The following PLEKHB1 variants were observed in gnomAD, a reference collection of about 807,000 sequenced individuals.
PLEKHB1 encodes pleckstrin homology domain containing B1, also known as pleckstrin homology domain-containing family B member 1.
In PLEKHB1, 29 loss-of-function variants were observed where a neutral mutation model predicts 36.2. The ratio of observed to expected loss-of-function variants is 0.80; its 90% CI spans 0.60 to 1.09. The LOEUF is 1.09. Ranked by LOEUF, PLEKHB1 falls within the 50% of genes least tolerant of loss-of-function variation. The pLI, the probability that PLEKHB1 is intolerant of heterozygous loss-of-function variation, is 0.00. For synonymous variants in PLEKHB1, 138 were observed against 140.0 expected, an observed-to-expected ratio of 0.99 and a Z score of 0.10; for missense variants, 330 against 348.2, an observed-to-expected ratio of 0.95 and a Z score of 0.42.
Position 73,653,107 on chromosome 11 carries a change from C to T in PLEKHB1, c.390+93C>T, listed in dbSNP as rs1395892698. 3.0e-6 allele frequency: 4 copies of T among 1,334,064 alleles called. No homozygotes were observed. In the East Asian group the frequency reaches 9.8e-5, roughly 33 times the overall value. The allele number at this position is 1,334,064 out of a possible 1,614,324, so 82.6% of individuals were successfully genotyped here. A position where few individuals can be genotyped will look rare whatever the true frequency, so the allele number is the denominator to read the frequency against. The stretch of plus-strand genomic sequence containing the variant: ...ACTCGGTCTCCACCTGCCAGAAGTT[C>T]TCAGTCTTATGTGGATAGGTTTCTG... On this transcript the variant is annotated intron_variant, in intron 5 of 7. Transcript: ENST00000354190.
chr11:73,655,262 G>A (rs965105894), intron 5 of PLEKHB1, among the ~76,000 whole-genome samples: 16 of 152,146 alleles, frequency 1.1e-4, no homozygotes, highest in African/African-American at 1.9e-4. Flanking sequence ...TACTAGAGTC[G>A]GGGTGTATTT....
chr11:73,654,944 A>G (rs750979762), intron 5 of PLEKHB1, among the ~76,000 whole-genome samples: 1 of 152,174 alleles, frequency 6.6e-6, no homozygotes, highest in Non-Finnish European at 1.5e-5. Flanking sequence ...CAGGCTTCCA[A>G]GTGGCGGGTG....
rs1386680012 is a variant in PLEKHB1, at chr11:73,651,774, G to A, written c.248-14G>A. ...TGTGCCTGTGGAAACCCATATATGT[G>A]TGTCTGCTTCCAGATGTGCAGCCCC... On this transcript the variant is annotated splice_polypyrimidine_tract_variant and intron_variant, in intron 3 of 7. Transcript: ENST00000354190. 2.5e-6 allele frequency: 4 copies of A among 1,609,434 alleles called. No individual in the cohort carries two copies. The highest frequency in any genetic ancestry group is 2.7e-5 in the African/African-American group (2 of 74,844).
intron 3 of PLEKHB1, chr11:73,651,542 C>T: frequency 3.1e-6 from 2 of 640,670 alleles, no homozygotes; most frequent in Non-Finnish European, 5.8e-6. Context: ...CATTCCTCCA[C>T]CAAGGCCCAG....
intron 4 of PLEKHB1, chr11:73,652,154 T>G: frequency 2.0e-6 from 1 of 504,302 alleles, no homozygotes; most frequent in Non-Finnish European, 3.6e-6. Flanking sequence ...ATCTGGTTCC[T>G]GGTCTTTAGC....
At position 73,651,652 on chromosome 11, in the gene PLEKHB1, T is replaced by A; in HGVS notation, c.248-136T>A. ...ACGTAGAGTGGAATCCCTCAGAGAG[T>A]ATATGGGATCAGAGGAGGTTGGCAG... On this transcript the variant is annotated intron_variant, in intron 3 of 7. Transcript: ENST00000354190. 3 of 693,916 alleles carry A rather than the reference T, an allele frequency of 4.3e-6. No individual in the cohort carries two copies. The South Asian group carries it at 4.9e-5, about 11-fold the overall frequency. 43.0% of individuals were successfully genotyped at this position (693,916 alleles called of 1,614,324 possible).
At chr11:73,660,482 G>A in intron 6 of PLEKHB1, 3 of 497,090 alleles carry the variant, frequency 6.0e-6, no homozygotes. Flanking sequence ...GAAATTGGGA[G>A]CCATAGAGAA....
At chr11:73,654,043 T>C (rs546782719) in intron 5 of PLEKHB1, among the ~76,000 whole-genome samples, 8 of 146,656 alleles carry the variant, frequency 5.5e-5, no homozygotes, top group Middle Eastern at 3.6e-3. Context: ...AAAAAAAAGA[T>C]AGTCTGGCTG....
At position 73,650,602 on chromosome 11, in the gene PLEKHB1, C is replaced by T. The variant is rs751278285; in HGVS notation, c.144C>T (p.Asp48=). 34 of 1,613,098 alleles carry T rather than the reference C, an allele frequency of 2.1e-5. No individual in the cohort carries two copies. In the Admixed American group the frequency reaches 4.2e-4, roughly 20 times the overall value. The change falls in exon 3 of 8, where the codon GAC becomes GAT. Residue 48 remains aspartate, a synonymous_variant. Coordinates refer to ENST00000354190, the MANE Select transcript of PLEKHB1 (RefSeq NM_021200.3). ...WKRNWFALWL[D]GTLGYYHDET... The stretch of plus-strand genomic sequence containing the variant: ...GGAACTGGTTTGCCCTGTGGCTGGA[C>T]GGGACCCTGGGATACTACCACGATG...
Position 73,650,570 on chromosome 11 carries a change from TG to T in PLEKHB1, c.114del (p.Trp38Ter), listed in dbSNP as rs775089754. The T allele has an allele frequency of 6.2e-7, 1 of 1,612,446 alleles. No homozygotes were observed. The highest frequency in any genetic ancestry group is 8.5e-7 in the Non-Finnish European group (1 of 1,179,340). ...TCGTACAGGCTCCATCCTCCGCCGC[TG>T]GAAGCGGAACTGGTTTGCCCTGTGG... ...LWRQSSILRR[W>X]KRNWFALWLD... On this transcript the variant is annotated frameshift_variant, in exon 3 of 8. Coordinates refer to ENST00000354190, the MANE Select transcript of PLEKHB1 (RefSeq NM_021200.3). LOFTEE classifies it high-confidence loss of function.
At position 73,661,721 on chromosome 11, in the gene PLEKHB1, C is replaced by T; in HGVS notation, c.*119C>T. 1 of 1,309,186 alleles carries T rather than the reference C, an allele frequency of 7.6e-7. No homozygotes were observed. The highest frequency in any genetic ancestry group is 1.0e-6 in the Non-Finnish European group (1 of 968,408). 81.1% of individuals were successfully genotyped at this position (1,309,186 alleles called of 1,614,324 possible). ...TTTGGCCCTATCCTCTCCATTAGCTCCTTCCGGGTTTGGACCATTCCCCCC... is the reference window on the plus strand; with the variant it reads ...TTTGGCCCTATCCTCTCCATTAGCTTCTTCCGGGTTTGGACCATTCCCCCC... On this transcript the variant is annotated 3_prime_UTR_variant, in exon 8 of 8. Transcript: ENST00000354190. This position sits in a 1 kb window ranked among gnomAD's most constrained non-coding sequence, Gnocchi z 4.6.
intron 6 of PLEKHB1, among the ~76,000 whole-genome samples, chr11:73,656,499 A>AG (rs1773210947): frequency 6.6e-6 from 1 of 152,132 alleles, no homozygotes; most frequent in South Asian, 2.1e-4. Flanking sequence ...GAGTGAGCAA[A>AG]GGAAGGAAGG....
In PLEKHB1 at chr11:73,649,088, G is replaced by A. The variant is rs1323238631; in HGVS notation, c.94+1G>A. ...AGGGGCGGCTGGCTGTGGAGACAGA[G>A]TGAGTGATCCTGGGCCCCTGGTCCT... On this transcript the variant is annotated splice_donor_variant, in intron 2 of 7. Transcript: ENST00000354190. LOFTEE classifies it high-confidence loss of function. The A allele has an allele frequency of 1.3e-6, 2 of 1,594,312 alleles. No homozygotes were observed. The highest frequency in any genetic ancestry group is 1.7e-6 in the Non-Finnish European group (2 of 1,170,358).
chr11:73,653,094 C>A (rs1022470046), intron 5 of PLEKHB1, 80 bp downstream of exon 5: 2 of 1,424,366 alleles, frequency 1.4e-6, no homozygotes, highest in East Asian at 2.4e-5. Context: ...TCGGTCTCCA[C>A]CTGCCAGAAG....
At chr11:73,660,711 G>C (rs1945087994) in intron 6 of PLEKHB1, 42 bp from the exon 7 acceptor site, 2 of 1,546,402 alleles carry the variant, frequency 1.3e-6, no homozygotes, top group Non-Finnish European at 1.8e-6. Flanking sequence ...CCAAATCCGG[G>C]CCAGGGAGTT....
chr11:73,647,540 CT>C (rs1380355042), intron 1 of PLEKHB1: 2 of 985,352 alleles, frequency 2.0e-6, no homozygotes, highest in African/African-American at 3.5e-5. Context: ...GTCAGCATCT[CT>C]TCACGTCACT....
intron 6 of PLEKHB1, among the ~76,000 whole-genome samples, chr11:73,656,732 T>A (rs1167348196): frequency 6.6e-6 from 1 of 152,184 alleles, no homozygotes; most frequent in Non-Finnish European, 1.5e-5. Flanking sequence ...TCTTACACAG[T>A]GGTGCTCAGT....
In PLEKHB1 at chr11:73,648,513, T is replaced by C. The variant is rs1254494803; in HGVS notation, c.19-499T>C. Among the ~76,000 whole-genome samples the C allele has an allele frequency of 2.0e-5, 3 of 152,314 alleles. No individual in the cohort carries two copies. In the East Asian group the frequency reaches 5.8e-4, roughly 29 times the overall value. On this transcript the variant is annotated intron_variant, in intron 1 of 7. Transcript: ENST00000354190. ...GTAAACAGCTCTAGTGGGGTCCAAA[T>C]AGGAGGGAGCTTTTCCCTCATCCAT...
At chr11:73,657,149 A>G (rs2134822501) in intron 6 of PLEKHB1, among the ~76,000 whole-genome samples, 1 of 152,288 alleles carries the variant, frequency 6.6e-6, no homozygotes, top group African/African-American at 2.4e-5. Context: ...TCTCAAAAAA[A>G]AAAATTGTCT....
Sources: allele counts gnomAD v4.1 joint callset (sites outside exome capture counted in the v4.1 genomes callset), GRCh38; gene constraint gnomAD v4.1.1; non-coding constraint Gnocchi (gnomAD v3.1); transcripts MANE v1.5; gene names NCBI Gene and HGNC (gene_info 2026-07-23, HGNC 2026-07-21).